MTCL2: variants seen among roughly 807,000 people sequenced by gnomAD.
MTCL2 encodes microtubule crosslinking factor 2.
At chr20:36,829,891 T>C in the MTCL2 span, among the ~76,000 whole-genome samples, 2 of 152,006 alleles carry the variant, frequency 1.3e-5, no homozygotes, top group Non-Finnish European at 2.9e-5. Flanking sequence ...CCCAGCACTT[T>C]GGGAGGCTGA....
chr20:36,790,212 C>T, the MTCL2 span, among the ~76,000 whole-genome samples: 5 of 151,012 alleles, frequency 3.3e-5, no homozygotes, highest in East Asian at 9.9e-4. Flanking sequence ...AGGATGGTCT[C>T]GATCTCCTGA....
At chr20:36,795,807 A>T in the MTCL2 span, among the ~76,000 whole-genome samples, 1 of 151,864 alleles carries the variant, frequency 6.6e-6, no homozygotes, top group Non-Finnish European at 1.5e-5. Context: ...AAAACAAAAC[A>T]CACGCCCAAA....
At chr20:36,806,923 G>A in the MTCL2 span, among the ~76,000 whole-genome samples, 2 of 152,212 alleles carry the variant, frequency 1.3e-5, no homozygotes, top group Non-Finnish European at 2.9e-5. Context: ...CAAATGTGGA[G>A]GGTTCGTCTG....
At chr20:36,834,998 A>AAAAAAAAGAAAAAG in the MTCL2 span, among the ~76,000 whole-genome samples, 1 of 152,106 alleles carries the variant, frequency 6.6e-6, no homozygotes, top group Non-Finnish European at 1.5e-5. Context: ...CTGCCTTAAA[A>AAAAAAAAGAAAAAG]AAAAAAAGAA....
At chr20:36,792,050 T>C in the MTCL2 span, among the ~76,000 whole-genome samples, 1 of 152,186 alleles carries the variant, frequency 6.6e-6, no homozygotes, top group Admixed American at 6.5e-5. Context: ...ATGTGAGCAC[T>C]TAGGTGTGAA....
chr20:36,842,543 G>A, the MTCL2 span, among the ~76,000 whole-genome samples: 15 of 152,304 alleles, frequency 9.8e-5, no homozygotes, highest in East Asian at 2.1e-3. Context: ...AGGCCAAGGC[G>A]GTCAGATCGC....
At chr20:36,843,013 G>A in the MTCL2 span, among the ~76,000 whole-genome samples, 1 of 152,112 alleles carries the variant, frequency 6.6e-6, no homozygotes, top group Non-Finnish European at 1.5e-5. Flanking sequence ...GTGGGGTCTC[G>A]TATTCCTCCC....
the MTCL2 span, chr20:36,784,647 G>A: frequency 3.0e-6 from 3 of 985,476 alleles, no homozygotes; most frequent in African/African-American, 1.7e-5. Flanking sequence ...GCACCAAGGC[G>A]AGGCCATGGG....
the MTCL2 span, among the ~76,000 whole-genome samples, chr20:36,850,667 G>T: frequency 3.3e-5 from 5 of 152,204 alleles, no homozygotes; most frequent in Non-Finnish European, 7.3e-5. Flanking sequence ...TAATCCTTAT[G>T]ATGGTCACTC....
At chr20:36,811,780 C>T in the MTCL2 span, among the ~76,000 whole-genome samples, 82 of 152,296 alleles carry the variant, frequency 5.4e-4, 1 homozygote, top group African/African-American at 1.9e-3. Context: ...TTCTCCTTCC[C>T]ACATAGTCAT....
the MTCL2 span, among the ~76,000 whole-genome samples, chr20:36,794,961 C>G: frequency 1.3e-5 from 2 of 149,620 alleles, no homozygotes; most frequent in Non-Finnish European, 1.5e-5. The surrounding 1 kb of genome is among the most constrained non-coding windows in gnomAD (Gnocchi z 5.4). Context: ...TTTCTTGAGA[C>G]AGAGTCTTGT....
chr20:36,831,657 G>A, the MTCL2 span, among the ~76,000 whole-genome samples: 1,813 of 152,270 alleles, frequency 0.012, 40 homozygotes, highest in African/African-American at 0.042. Flanking sequence ...GTTTCTGCCC[G>A]AGGATCTCGT....
the MTCL2 span, chr20:36,783,748 A>T: frequency 2.0e-6 from 2 of 985,056 alleles, no homozygotes; most frequent in Non-Finnish European, 2.4e-6. Context: ...CTTAAAAGGC[A>T]TTTGAAGAAA....
chr20:36,791,443 T>G, the MTCL2 span, among the ~76,000 whole-genome samples: 1 of 152,220 alleles, frequency 6.6e-6, no homozygotes, highest in Non-Finnish European at 1.5e-5. Flanking sequence ...CAGCATTATT[T>G]GCAGTAGGGA....
chr20:36,838,797 G>A, the MTCL2 span, among the ~76,000 whole-genome samples: 1 of 151,720 alleles, frequency 6.6e-6, no homozygotes, highest in Non-Finnish European at 1.5e-5. Flanking sequence ...GTGAAACCCT[G>A]TCTCTACTAA....
chr20:36,799,071 C>T, the MTCL2 span, among the ~76,000 whole-genome samples: 2 of 152,094 alleles, frequency 1.3e-5, no homozygotes, highest in African/African-American at 4.8e-5. Flanking sequence ...GAAAATAACA[C>T]TAGGCCAGGT....
At chr20:36,792,221 G>A in the MTCL2 span, among the ~76,000 whole-genome samples, 1 of 152,086 alleles carries the variant, frequency 6.6e-6, no homozygotes, top group Admixed American at 6.6e-5. Flanking sequence ...TAAACACAGA[G>A]ATGTGGCCAG....
At chr20:36,808,407 G>C in the MTCL2 span, 1 of 866,994 alleles carries the variant, frequency 1.2e-6, no homozygotes. Context: ...CATGCTGATG[G>C]CAGGTATGTG....
the MTCL2 span, among the ~76,000 whole-genome samples, chr20:36,849,060 C>T: frequency 1.1e-3 from 68 of 62,248 alleles, no homozygotes; most frequent in East Asian, 2.9e-3. Context: ...AGTTGGTTTC[C>T]TTTTTTTTTT....
Sources: gnomAD v4.1 joint callset for allele counts (sites outside exome capture counted in the v4.1 genomes callset) on GRCh38, gnomAD v4.1.1 for gene constraint, Gnocchi (gnomAD v3.1) non-coding constraint, MANE v1.5 for transcripts, NCBI Gene and HGNC (gene_info 2026-07-23, HGNC 2026-07-21) for gene names.